Variants in PLXNA4 observed in about 807,000 individuals in gnomAD.
PLXNA4 encodes the protein plexin A4.
A neutral mutation model predicts 191.8 loss-of-function variants in PLXNA4; 44 were observed. That is an observed-to-expected ratio of 0.23 (90% CI 0.18 to 0.29). The LOEUF (loss-of-function observed/expected upper bound fraction) is 0.29. Among genes scored for constraint, PLXNA4 ranks in the 10% least tolerant of loss-of-function variants. PLXNA4 has a pLI of 1.00. For missense variants in PLXNA4, 1,800 were observed against 2,488.8 expected (o/e 0.72, Z 5.89); for synonymous variants, 1,082 against 1,009.5 (o/e 1.07, Z -1.36).
At chr7:132,286,601 A>C (rs1024278960) in intron 4 of PLXNA4, among the ~76,000 whole-genome samples, 2 of 151,992 alleles carry the variant, frequency 1.3e-5, no homozygotes, top group African/African-American at 4.8e-5. Flanking sequence ...CCTCCACATC[A>C]TAGCTCTTCT....
upstream of PLXNA4, among the ~76,000 whole-genome samples, chr7:132,579,798 C>T (rs572381609): frequency 1.2e-3 from 187 of 152,100 alleles, no homozygotes; most frequent in Non-Finnish European, 2.1e-3. Context: ...CTGAATAACA[C>T]GGTAAAAGGC....
At position 132,298,146 on chromosome 7, in the gene PLXNA4, C is replaced by A. The variant is rs762255363; in HGVS notation, c.1448G>T (p.Arg483Leu). The A allele has an allele frequency of 2.5e-6, 4 of 1,614,054 alleles. No homozygotes were observed. The African/African-American group carries it at 5.3e-5, about 22-fold the overall frequency. The change falls in exon 4 of 32, where the codon CGG becomes CTG. Residue 483 changes from arginine (R) to leucine (L), a missense_variant. Physicochemically the swap from Arg to Leu is moderately radical, Grantham distance 102 (BLOSUM62 -2). Transcript: ENST00000321063. ...VQVVDPGPVL[R>L]DMAFSKDHEQ... ...GTGGTCCTTGGAGAAGGCCATATCC[C>A]GGAGGACTGGGCCGGGGTCCACCAC...
rs561042182 is a variant in PLXNA4 at position 132,262,695 on chromosome 7, TAAG to T, written c.1504-21532_1504-21530del. On this transcript the variant is annotated intron_variant, in intron 4 of 31. Coordinates refer to ENST00000321063, the MANE Select transcript of PLXNA4 (RefSeq NM_020911.2). Reference sequence around the variant, plus strand: ...TGTTAGGCTTATTCCTTGCGTGCACTAAGGAGAGAGGCACCATCTGCTTTGGAT... The same window carrying T: ...TGTTAGGCTTATTCCTTGCGTGCACTGAGAGAGGCACCATCTGCTTTGGAT... 6.1e-4 allele frequency among the ~76,000 whole-genome samples: 93 copies of T among 152,256 alleles called. 1 individual carries two copies. The highest frequency in any genetic ancestry group is 4.2e-4 in the South Asian group (2 of 4,814).
intron 10 of PLXNA4, among the ~76,000 whole-genome samples, chr7:132,205,738 G>C (rs1797595155): frequency 6.6e-6 from 1 of 152,172 alleles, no homozygotes; most frequent in African/African-American, 2.4e-5. Context: ...GGCAGGCTGA[G>C]CTCTGACCTG....
intron 3 of PLXNA4, among the ~76,000 whole-genome samples, chr7:132,317,781 A>G (rs903118072): frequency 6.6e-6 from 1 of 152,242 alleles, no homozygotes; most frequent in Admixed American, 6.5e-5. Flanking sequence ...AAGTCAGCAC[A>G]GCATTGTGGA....
At chr7:132,330,175 C>A (rs2341821) in intron 3 of PLXNA4, among the ~76,000 whole-genome samples, 291 of 152,052 alleles carry the variant, frequency 1.9e-3, no homozygotes, top group African/African-American at 6.7e-3. Context: ...GCAGAGCCAC[C>A]GAGGTGGGAA....
At position 132,254,400 on chromosome 7, in the gene PLXNA4, T is replaced by C. The variant is rs536954440; in HGVS notation, c.1504-13234A>G. ...AATTGTGAGGGTGAGTAAAGGGTTG[T>C]GTGCACATCCTTTCTGAGAGAATGG... On this transcript the variant is annotated intron_variant, in intron 4 of 31. Transcript: ENST00000321063. Among the ~76,000 whole-genome samples the C allele has an allele frequency of 3.3e-4, 51 of 152,376 alleles. No individual in the cohort carries two copies. In the South Asian group the frequency reaches 0.01, roughly 31 times the overall value.
intron 3 of PLXNA4, among the ~76,000 whole-genome samples, chr7:132,481,465 C>T (rs1177557212): frequency 6.6e-6 from 1 of 152,024 alleles, no homozygotes; most frequent in Admixed American, 6.5e-5. Context: ...GGGAGTTACC[C>T]AACCCCTTTT....
At position 132,342,513 on chromosome 7, in the gene PLXNA4, T is replaced by A. The variant is rs569860696; in HGVS notation, c.1372-44291A>T. On this transcript the variant is annotated intron_variant, in intron 3 of 31. Coordinates refer to ENST00000321063, the MANE Select transcript of PLXNA4 (RefSeq NM_020911.2). ...CTGAAAGCACAACCCCAAGCAAGAA[T>A]TCTGCCTCTTGTTTCTCTATCTCAA... 1.1e-4 allele frequency among the ~76,000 whole-genome samples: 17 copies of A among 152,232 alleles called. No individual in the cohort carries two copies. In the South Asian group the frequency reaches 2.1e-3, roughly 19 times the overall value.
chr7:132,594,958 GATAGATAATTGATAGATA>G (rs1585393127), intron 2 of PLXNA4, among the ~76,000 whole-genome samples: 1 of 117,780 alleles, frequency 8.5e-6, no homozygotes, highest in East Asian at 2.9e-4. Flanking sequence ...TAGATAGATA[GATAGATAATTGATAGATA>G]ATAGATAGAT....
intron 4 of PLXNA4, among the ~76,000 whole-genome samples, chr7:132,241,603 C>T (rs1294245961): frequency 6.6e-6 from 1 of 152,086 alleles, no homozygotes; most frequent in Non-Finnish European, 1.5e-5. Context: ...CCCTTCTTTC[C>T]AGTCCTCCTT....
intron 3 of PLXNA4, among the ~76,000 whole-genome samples, chr7:132,464,254 T>C (rs549698487): frequency 5.6e-4 from 85 of 152,158 alleles, no homozygotes; most frequent in Non-Finnish European, 1.1e-3. Flanking sequence ...AGTGGGAATA[T>C]TAGGGGAGAT....
chr7:132,217,249 A>G (rs1183831981), intron 9 of PLXNA4, among the ~76,000 whole-genome samples: 1 of 152,226 alleles, frequency 6.6e-6, no homozygotes, highest in African/African-American at 2.4e-5. Flanking sequence ...TCTATCCACC[A>G]TGTCCAGCAC....
At chr7:132,328,222 T>C (rs189075252) in intron 3 of PLXNA4, among the ~76,000 whole-genome samples, 2 of 152,176 alleles carry the variant, frequency 1.3e-5, no homozygotes, top group Admixed American at 1.3e-4. Context: ...GACAGAGCAT[T>C]CAAAGAGGAG....
intron 4 of PLXNA4, among the ~76,000 whole-genome samples, chr7:132,253,580 C>A (rs779649414): frequency 2.6e-5 from 4 of 152,126 alleles, no homozygotes; most frequent in Non-Finnish European, 5.9e-5. Flanking sequence ...TTCTAATATT[C>A]TGGAACTATG....
At chr7:132,630,758 A>G (rs1334490275) in intron 2 of PLXNA4, among the ~76,000 whole-genome samples, 2 of 151,822 alleles carry the variant, frequency 1.3e-5, no homozygotes, top group Non-Finnish European at 2.9e-5. Flanking sequence ...TGATCCGCCC[A>G]CCTCGGCCTC....
chr7:132,334,252 CTTTT>C (rs71529758), intron 3 of PLXNA4, among the ~76,000 whole-genome samples: 3,835 of 75,468 alleles, frequency 0.051, 51 homozygotes, highest in East Asian at 0.083. Context: ...TTCTTTCTTT[CTTTT>C]TTTTTTTTTT....
intron 25 of PLXNA4, among the ~76,000 whole-genome samples, chr7:132,150,186 G>A (rs1795554443): frequency 6.6e-6 from 1 of 152,232 alleles, no homozygotes; most frequent in African/African-American, 2.4e-5. Context: ...TATGGTCTGG[G>A]GTGGTTAGAC....
rs898960651 is a variant in PLXNA4 at position 132,508,826 on chromosome 7, C to T, written c.-86-47G>A. On this transcript the variant is annotated intron_variant, in intron 1 of 31. Coordinates refer to ENST00000321063, the MANE Select transcript of PLXNA4 (RefSeq NM_020911.2). The surrounding 1 kb of genome is among the most constrained non-coding windows in gnomAD (Gnocchi z 4.4). ...AGCTGGATAACAATGCCAGTGGCTT[C>T]ATTTCACCCCACAGCTTGTCTGCCT... The T allele has an allele frequency of 8.0e-5, 113 of 1,407,022 alleles. 1 individual carries two copies. The African/African-American group carries it at 1.2e-3, about 15-fold the overall frequency. 87.2% of individuals were successfully genotyped at this position (1,407,022 alleles called of 1,614,324 possible).
Sources: allele counts gnomAD v4.1 joint callset (sites outside exome capture counted in the v4.1 genomes callset), GRCh38; gene constraint gnomAD v4.1.1; non-coding constraint Gnocchi (gnomAD v3.1); transcripts MANE v1.5; gene names NCBI Gene and HGNC (gene_info 2026-07-23, HGNC 2026-07-21).